The following CNTNAP2 variants were observed in gnomAD, a reference collection of about 807,000 sequenced individuals.
CNTNAP2 encodes contactin associated protein 2, also known as contactin-associated protein-like 2.
In CNTNAP2, 98 loss-of-function variants were observed where a neutral mutation model predicts 155.2. The observed-to-expected ratio is 0.63, with a 90% CI of 0.54 to 0.75. The LOEUF (loss-of-function observed/expected upper bound fraction) is 0.75. Among genes scored for constraint, CNTNAP2 ranks in the 30% least tolerant of loss-of-function variants. The pLI is 0.00. For synonymous variants in CNTNAP2, 651 were observed against 631.2 expected (o/e 1.03, Z -0.47); for missense variants, 1,727 against 1,688.1 (o/e 1.02, Z -0.40).
chr7:146,125,568 G>A (rs1284556990), intron 1 of CNTNAP2, among the ~76,000 whole-genome samples: 5 of 121,850 alleles, frequency 4.1e-5, no homozygotes, highest in Non-Finnish European at 8.0e-5. Context: ...AGAGCAGAGC[G>A]AGACTCCGTC....
chr7:147,229,041 TTA>T (rs977560244), intron 8 of CNTNAP2, among the ~76,000 whole-genome samples: 4 of 131,872 alleles, frequency 3.0e-5, no homozygotes, highest in East Asian at 1.0e-3. Flanking sequence ...CACATTTTCT[TTA>T]TATATATATA....
At chr7:146,702,891 T>G (rs1800900816) in intron 1 of CNTNAP2, among the ~76,000 whole-genome samples, 1 of 152,150 alleles carries the variant, frequency 6.6e-6, no homozygotes, top group Admixed American at 6.6e-5. Flanking sequence ...CAAGTTCATT[T>G]CCAACCAAAT....
intron 1 of CNTNAP2, among the ~76,000 whole-genome samples, chr7:146,678,506 A>G (rs1435373646): frequency 6.6e-6 from 1 of 152,192 alleles, no homozygotes; most frequent in African/African-American, 2.4e-5. Context: ...GTGCCTTAGA[A>G]ATAGCTCAAT....
intron 1 of CNTNAP2, among the ~76,000 whole-genome samples, chr7:146,176,787 A>C (rs1403688962): frequency 6.6e-6 from 1 of 152,332 alleles, no homozygotes; most frequent in South Asian, 2.1e-4. Flanking sequence ...TGTGTGTTCT[A>C]AATTAAGTAA....
At chr7:148,178,281 T>C (rs928740963) in intron 18 of CNTNAP2, among the ~76,000 whole-genome samples, 1 of 152,206 alleles carries the variant, frequency 6.6e-6, no homozygotes. Flanking sequence ...AAAAATACAT[T>C]TCTTTAATCA....
At chr7:146,587,966 G>C (rs1045419923) in intron 1 of CNTNAP2, among the ~76,000 whole-genome samples, 1 of 151,504 alleles carries the variant, frequency 6.6e-6, no homozygotes, top group African/African-American at 2.4e-5. Context: ...GAGCCACTGC[G>C]CCCGGCCTGA....
chr7:147,841,196 C>T (rs1215979592), intron 13 of CNTNAP2, among the ~76,000 whole-genome samples: 5 of 152,024 alleles, frequency 3.3e-5, no homozygotes, highest in Admixed American at 2.6e-4. Flanking sequence ...AGAAAATTGC[C>T]TCATTTCTTT....
At chr7:147,910,978 T>A (rs1173821813) in intron 14 of CNTNAP2, among the ~76,000 whole-genome samples, 4 of 152,186 alleles carry the variant, frequency 2.6e-5, no homozygotes, top group African/African-American at 9.7e-5. Flanking sequence ...AAATGAACTA[T>A]CTTAACCATT....
At chr7:146,825,762 T>C (rs937880065) in intron 2 of CNTNAP2, among the ~76,000 whole-genome samples, 1 of 152,150 alleles carries the variant, frequency 6.6e-6, no homozygotes, top group Admixed American at 6.6e-5. Flanking sequence ...TTTTGTCCTT[T>C]CATGTGTGGT....
At chr7:146,713,090 A>G (rs916642390) in intron 1 of CNTNAP2, among the ~76,000 whole-genome samples, 12 of 152,120 alleles carry the variant, frequency 7.9e-5, no homozygotes, top group Non-Finnish European at 1.8e-4. Flanking sequence ...AAGAAATCTC[A>G]GACTCGCAGG....
At chr7:146,235,983 C>T (rs2110372) in intron 1 of CNTNAP2, among the ~76,000 whole-genome samples, 63,216 of 147,058 alleles carry the variant, frequency 0.43, 13,933 homozygotes, top group East Asian at 0.62. Context: ...TGTGTGTGCG[C>T]GCGTATTTGT....
intron 8 of CNTNAP2, among the ~76,000 whole-genome samples, chr7:147,178,759 G>A (rs1431518764): frequency 6.6e-6 from 1 of 152,170 alleles, no homozygotes; most frequent in Non-Finnish European, 1.5e-5. Context: ...TCTGTTTTAT[G>A]ACAAAGTAGA....
At chr7:147,392,975 T>A (rs1440048924) in intron 9 of CNTNAP2, among the ~76,000 whole-genome samples, 1 of 152,054 alleles carries the variant, frequency 6.6e-6, no homozygotes, top group Non-Finnish European at 1.5e-5. Context: ...CAAACAATGA[T>A]GAATATTCAT....
intron 1 of CNTNAP2, among the ~76,000 whole-genome samples, chr7:146,626,247 C>T (rs919997287): frequency 2.0e-5 from 3 of 152,058 alleles, no homozygotes; most frequent in African/African-American, 7.2e-5. Flanking sequence ...TGGTATTTCA[C>T]CCTAATTCTA....
chr7:147,801,540 G>A (rs868210365), intron 13 of CNTNAP2, among the ~76,000 whole-genome samples: 18 of 151,740 alleles, frequency 1.2e-4, no homozygotes, highest in Admixed American at 3.3e-4. Flanking sequence ...CGAGCATGCT[G>A]CCTTCAAGCA....
intron 15 of CNTNAP2, among the ~76,000 whole-genome samples, chr7:148,006,675 C>T (rs1411360969): frequency 4.7e-5 from 7 of 148,284 alleles, no homozygotes; most frequent in Admixed American, 1.3e-4. Context: ...GTTAGGCTTA[C>T]AGACTTGACT....
At chr7:146,226,524 T>C (rs1423192116) in intron 1 of CNTNAP2, among the ~76,000 whole-genome samples, 1 of 152,012 alleles carries the variant, frequency 6.6e-6, no homozygotes, top group Non-Finnish European at 1.5e-5. Flanking sequence ...CCAGGCATGG[T>C]GGTGCACACT....
intron 1 of CNTNAP2, among the ~76,000 whole-genome samples, chr7:146,135,172 A>G (rs1278424494): frequency 1.3e-5 from 2 of 152,154 alleles, no homozygotes; most frequent in Admixed American, 6.6e-5. Context: ...GTCATAGAAA[A>G]TTTCCTACTT....
At chr7:146,904,405 T>G (rs1250665986) in intron 3 of CNTNAP2, among the ~76,000 whole-genome samples, 1 of 152,212 alleles carries the variant, frequency 6.6e-6, no homozygotes, top group African/African-American at 2.4e-5. Context: ...GTACCCTTAG[T>G]GTCTAGAACA....
Sources: allele counts gnomAD v4.1 joint callset (sites outside exome capture counted in the v4.1 genomes callset), GRCh38; gene constraint gnomAD v4.1.1; transcripts MANE v1.5; gene names NCBI Gene and HGNC (gene_info 2026-07-23, HGNC 2026-07-21).